The following NTN4 variants were observed in gnomAD, a reference collection of about 807,000 sequenced individuals.
The protein encoded by NTN4 is netrin-4.
Under a neutral mutation model 73.6 loss-of-function variants are expected in NTN4, and 32 were observed. That is an observed-to-expected ratio of 0.44 (90% CI 0.33 to 0.58). The LOEUF is 0.58. NTN4 is among the 20% of genes least tolerant of loss of function. The pLI, the probability that NTN4 is intolerant of heterozygous loss-of-function variation, is 0.04. For synonymous variants in NTN4, 258 were observed against 287.5 expected (o/e 0.90, Z 1.04); for missense variants, 654 against 798.3 (o/e 0.82, Z 2.18).
chr12:95,785,238 A>T (rs1327541018), intron 2 of NTN4, among the ~76,000 whole-genome samples: 2 of 152,228 alleles, frequency 1.3e-5, no homozygotes, highest in African/African-American at 4.8e-5. Flanking sequence ...AACTTCATAG[A>T]TACACAAGGC....
At chr12:95,664,230 A>T (rs1001531950) in intron 9 of NTN4, among the ~76,000 whole-genome samples, 23 of 151,878 alleles carry the variant, frequency 1.5e-4, no homozygotes, top group South Asian at 2.1e-4. Flanking sequence ...ATTATTTAAA[A>T]AATTTTTTGT....
At chr12:95,680,794 G>A (rs1490312693) in intron 7 of NTN4, among the ~76,000 whole-genome samples, 1 of 152,168 alleles carries the variant, frequency 6.6e-6, no homozygotes, top group Non-Finnish European at 1.5e-5. Flanking sequence ...GTGCACTACA[G>A]TCTCAGACCT....
intron 2 of NTN4, among the ~76,000 whole-genome samples, chr12:95,749,724 T>A (rs1194125282): frequency 1.3e-5 from 2 of 152,150 alleles, no homozygotes; most frequent in Non-Finnish European, 2.9e-5. Flanking sequence ...TCACCCTTAG[T>A]GGCAAGTCCT....
In NTN4 at chr12:95,669,229, G is replaced by A. The variant is rs192961423; in HGVS notation, c.1579+849C>T. Among the ~76,000 whole-genome samples, 27 of 150,758 alleles carry A rather than the reference G, an allele frequency of 1.8e-4. No homozygotes were observed. In the Middle Eastern group the frequency reaches 0.014, roughly 79 times the overall value. On this transcript the variant is annotated intron_variant, in intron 8 of 9. Transcript: ENST00000343702. ...TCTAAAAAAAAAAAAAAAAGTCTCA[G>A]ACACTAGGCAAGAATGTGTTGGCAA... is the stretch of plus-strand genomic sequence containing the variant.
Position 95,659,088 on chromosome 12 carries a change from A to G in NTN4, c.1885T>C (p.Ter629GlnextTer2). The G allele has an allele frequency of 6.2e-7, 1 of 1,611,056 alleles. No homozygotes were observed. The highest frequency in any genetic ancestry group is 8.5e-7 in the Non-Finnish European group (1 of 1,179,034). ...ATTATGTGCTATCCATCTTAATGCT[A>G]CTTGCACTCTCTTTTTAAAATATCC... is the stretch of plus-strand genomic sequence containing the variant. ...VMDILKRECK[*>Q] Residue 629 changes from the stop codon to glutamine (Q), a stop_lost, in exon 10 of 10, where the codon TAG (stop) becomes CAG (glutamine). Transcript: ENST00000343702.
At chr12:95,763,696 C>T (rs908335152) in intron 2 of NTN4, among the ~76,000 whole-genome samples, 1 of 152,184 alleles carries the variant, frequency 6.6e-6, no homozygotes, top group Admixed American at 6.5e-5. Flanking sequence ...CGAATTCTAG[C>T]CTCTATTTCT....
At position 95,750,814 on chromosome 12, in the gene NTN4, G is replaced by A. The variant is rs142435235; in HGVS notation, c.586-12670C>T. Among the ~76,000 whole-genome samples the A allele has an allele frequency of 8.3e-3, 1,263 of 152,266 alleles. 21 individuals are homozygous for A. Among genetic ancestry groups the A allele is most frequent in the African/African-American group, 0.03 (1,226 of 41,532 alleles). ...AGGTCCCAATTCTTCCTCAGCCTCT[G>A]CTTCTCCACCCTATAATCCTTTTAT... On this transcript the variant is annotated intron_variant, in intron 2 of 9. Coordinates refer to ENST00000343702, the MANE Select transcript of NTN4 (RefSeq NM_021229.4).
At chr12:95,686,954 C>T (rs1016533907) in intron 5 of NTN4, among the ~76,000 whole-genome samples, 5 of 152,162 alleles carry the variant, frequency 3.3e-5, no homozygotes, top group African/African-American at 1.2e-4. Context: ...CTGCATTTTA[C>T]GTTTCTGCAT....
rs142172913 is a variant in NTN4 at position 95,685,078 on chromosome 12, G to T, written c.1181-1367C>A. On this transcript the variant is annotated intron_variant, in intron 5 of 9. Transcript: ENST00000343702. ...AGAGATGGGGTTTCACCATGTCCAG[G>T]CTGGTCCAAACACCTGGACTCAAGC... is the stretch of plus-strand genomic sequence containing the variant. Among the ~76,000 whole-genome samples, 7 of 152,148 alleles carry T rather than the reference G, an allele frequency of 4.6e-5. No homozygotes were observed. In the East Asian group the frequency reaches 1.4e-3, roughly 30 times the overall value.
chr12:95,697,388 G>A (rs951283057), intron 5 of NTN4, among the ~76,000 whole-genome samples: 1 of 152,136 alleles, frequency 6.6e-6, no homozygotes, highest in African/African-American at 2.4e-5. Context: ...AGTATTTATA[G>A]AAAGTTGCTG....
At position 95,658,042 on chromosome 12, in the gene NTN4, C is replaced by G. The variant is rs969464107; in HGVS notation, c.*1044G>C. 2 of 152,444 alleles carry G rather than the reference C, an allele frequency of 1.3e-5. No homozygotes were observed. Among genetic ancestry groups the G allele is most frequent in the African/African-American group, 4.8e-5 (2 of 41,386 alleles). 9.4% of individuals were successfully genotyped at this position (152,444 alleles called of 1,614,324 possible). On this transcript the variant is annotated 3_prime_UTR_variant, in exon 10 of 10. Transcript: ENST00000343702. ...TGAAAAACTGTGATTTTTTGACTATCACATACATTGTGTTAAAAAACAGGT... is the reference window on the plus strand; with the variant it reads ...TGAAAAACTGTGATTTTTTGACTATGACATACATTGTGTTAAAAAACAGGT...
At chr12:95,741,555 T>C (rs2078826991) in intron 2 of NTN4, among the ~76,000 whole-genome samples, 1 of 143,402 alleles carries the variant, frequency 7.0e-6, no homozygotes. Flanking sequence ...TTTTTATCCT[T>C]GGCAATATTC....
intron 9 of NTN4, among the ~76,000 whole-genome samples, chr12:95,664,059 T>C (rs918488178): frequency 1.3e-5 from 2 of 152,174 alleles, no homozygotes; most frequent in African/African-American, 4.8e-5. Context: ...TTATGTATTT[T>C]TAATTTCTTT....
chr12:95,759,816 C>A (rs1358871631), intron 2 of NTN4, among the ~76,000 whole-genome samples: 1 of 152,046 alleles, frequency 6.6e-6, no homozygotes, highest in Non-Finnish European at 1.5e-5. Context: ...TTTAGAAGTT[C>A]CACTTACATC....
At chr12:95,715,177 C>T (rs1228159920) in intron 3 of NTN4, among the ~76,000 whole-genome samples, 4 of 152,046 alleles carry the variant, frequency 2.6e-5, no homozygotes, top group Middle Eastern at 3.2e-3. Context: ...CTTCGGGCTG[C>T]GTGTGAGTGA....
chr12:95,767,699 C>G (rs956069149), intron 2 of NTN4, among the ~76,000 whole-genome samples: 6 of 152,154 alleles, frequency 3.9e-5, no homozygotes, highest in Non-Finnish European at 7.4e-5. Context: ...CCAATCATTT[C>G]CCATATTGAT....
intron 2 of NTN4, among the ~76,000 whole-genome samples, chr12:95,771,819 C>T (rs1208225803): frequency 6.6e-6 from 1 of 152,074 alleles, no homozygotes; most frequent in African/African-American, 2.4e-5. Flanking sequence ...ATTGCTCCCT[C>T]TCCCTTTTCC....
rs1266323014 is a variant in NTN4 at position 95,790,241 on chromosome 12, G to C, written c.55+14C>G. The C allele has an allele frequency of 2.0e-6, 3 of 1,530,980 alleles. No individual in the cohort carries two copies. The African/African-American group carries it at 4.3e-5, about 22-fold the overall frequency. The allele number at this position is 1,530,980 out of a possible 1,614,324, so 94.8% of individuals were successfully genotyped here. A position where few individuals can be genotyped will look rare whatever the true frequency, so the allele number is the denominator to read the frequency against. On this transcript the variant is annotated intron_variant, in intron 1 of 9. Transcript: ENST00000343702. The surrounding 1 kb of genome is among the most constrained non-coding windows in gnomAD (Gnocchi z 6.5). The stretch of plus-strand genomic sequence containing the variant: ...CGAGGGAAGGGGTGGGGGCCCCGCC[G>C]CGTCACCACCCACCTGCGGCCACCA...
chr12:95,707,585 C>T (rs963220196), intron 5 of NTN4, among the ~76,000 whole-genome samples: 6 of 152,156 alleles, frequency 3.9e-5, no homozygotes, highest in Non-Finnish European at 7.3e-5. Flanking sequence ...TTTGATGACA[C>T]TAGCCCTTAT....
Sources: gnomAD v4.1 joint callset for allele counts (sites outside exome capture counted in the v4.1 genomes callset) on GRCh38, gnomAD v4.1.1 for gene constraint, Gnocchi (gnomAD v3.1) non-coding constraint, MANE v1.5 for transcripts, NCBI Gene and HGNC (gene_info 2026-07-23, HGNC 2026-07-21) for gene names.